The following BMP6 variants were observed in gnomAD, a reference collection of about 807,000 sequenced individuals.
The protein encoded by BMP6 is VG-1-R.
BMP6 carries 17 observed loss-of-function variants against 54.1 expected under a neutral mutation model. That is an observed-to-expected ratio of 0.31 (90% CI 0.22 to 0.47). The LOEUF is 0.47. Among genes scored for constraint, BMP6 ranks in the 20% least tolerant of loss-of-function variants. The pLI, the probability that BMP6 is intolerant of heterozygous loss-of-function variation, is 1.00. For missense variants in BMP6, 720 were observed against 690.4 expected, an observed-to-expected ratio of 1.04 and a Z score of -0.48; for synonymous variants, 328 against 291.2, an observed-to-expected ratio of 1.13 and a Z score of -1.28.
chr6:7,872,939 A>T (rs1379504100), intron 4 of BMP6, among the ~76,000 whole-genome samples: 2 of 151,626 alleles, frequency 1.3e-5, no homozygotes, highest in Non-Finnish European at 2.9e-5. Context: ...TAGCCTCCCA[A>T]ATAGCCGAGA....
intron 1 of BMP6, among the ~76,000 whole-genome samples, chr6:7,838,683 C>T (rs1758915413): frequency 6.6e-6 from 1 of 152,212 alleles, no homozygotes; most frequent in Non-Finnish European, 1.5e-5. Context: ...TGGCTCACGC[C>T]TGTAATCCCA....
chr6:7,823,861 G>T (rs1417380062), intron 1 of BMP6, among the ~76,000 whole-genome samples: 1 of 152,192 alleles, frequency 6.6e-6, no homozygotes, highest in Non-Finnish European at 1.5e-5. Context: ...TAGGCTTTGT[G>T]CACCACCCTA....
chr6:7,852,900 A>G (rs2113264653), intron 2 of BMP6, among the ~76,000 whole-genome samples: 1 of 152,326 alleles, frequency 6.6e-6, no homozygotes, highest in South Asian at 2.1e-4. Context: ...CCAGGCTTCT[A>G]TGAGATCACT....
At chr6:7,873,251 G>T (rs866902061) in intron 4 of BMP6, among the ~76,000 whole-genome samples, 1 of 152,120 alleles carries the variant, frequency 6.6e-6, no homozygotes, top group Admixed American at 6.5e-5. Flanking sequence ...CTACAAATTT[G>T]GGAGTTCACA....
intron 4 of BMP6, among the ~76,000 whole-genome samples, chr6:7,868,931 G>C (rs1759475420): frequency 6.6e-6 from 1 of 152,056 alleles, no homozygotes; most frequent in South Asian, 2.1e-4. Context: ...TGGTGTCCCT[G>C]ACATTCTCTC....
intron 4 of BMP6, among the ~76,000 whole-genome samples, chr6:7,878,655 T>C (rs1194085026): frequency 7.8e-6 from 1 of 128,422 alleles, no homozygotes; most frequent in East Asian, 2.9e-4. Context: ...TGAAAGCCCC[T>C]GTGCAGTTTC....
intron 1 of BMP6, among the ~76,000 whole-genome samples, chr6:7,822,437 A>G (rs1281156309): frequency 6.6e-6 from 1 of 152,034 alleles, no homozygotes; most frequent in Non-Finnish European, 1.5e-5. Context: ...GGTCCCTGAA[A>G]ATCTTCTTTC....
intron 1 of BMP6, among the ~76,000 whole-genome samples, chr6:7,803,765 C>T (rs867184510): frequency 3.0e-4 from 45 of 151,950 alleles, no homozygotes; most frequent in African/African-American, 1.0e-3. Flanking sequence ...ATTTAACTTG[C>T]GAAATCAGGT....
intron 4 of BMP6, among the ~76,000 whole-genome samples, chr6:7,876,027 G>T (rs1759610469): frequency 6.6e-6 from 1 of 152,160 alleles, no homozygotes; most frequent in Non-Finnish European, 1.5e-5. Context: ...TACTTCAGAT[G>T]CTAGGGGACA....
At chr6:7,843,077 T>C (rs1759002502) in intron 1 of BMP6, among the ~76,000 whole-genome samples, 1 of 152,200 alleles carries the variant, frequency 6.6e-6, no homozygotes, top group African/African-American at 2.4e-5. Flanking sequence ...TAGGGAAAAG[T>C]GATACACCGT....
chr6:7,822,792 A>G (rs1758631766), intron 1 of BMP6, among the ~76,000 whole-genome samples: 2 of 152,202 alleles, frequency 1.3e-5, no homozygotes, highest in South Asian at 4.1e-4. Context: ...AGAAGGCACC[A>G]GCGTCAGCAA....
At chr6:7,806,419 G>A (rs560894367) in intron 1 of BMP6, among the ~76,000 whole-genome samples, 2 of 152,312 alleles carry the variant, frequency 1.3e-5, no homozygotes, top group African/African-American at 4.8e-5. Context: ...ATCCTGGTGA[G>A]AATTTATGTA....
At chr6:7,767,507 C>T (rs1342954620) in intron 1 of BMP6, among the ~76,000 whole-genome samples, 5 of 152,122 alleles carry the variant, frequency 3.3e-5, no homozygotes, top group African/African-American at 1.2e-4. Flanking sequence ...GATTTGGATA[C>T]AGTAGGTTAT....
At chr6:7,796,087 G>T (rs1758186229) in intron 1 of BMP6, among the ~76,000 whole-genome samples, 1 of 152,140 alleles carries the variant, frequency 6.6e-6, no homozygotes, top group African/African-American at 2.4e-5. Flanking sequence ...AGATGAGATT[G>T]CCCAGGGAGA....
intron 4 of BMP6, among the ~76,000 whole-genome samples, chr6:7,864,522 G>GATTAA (rs1759388189): frequency 6.6e-6 from 1 of 152,168 alleles, no homozygotes; most frequent in Non-Finnish European, 1.5e-5. Context: ...ATTCTTCCAG[G>GATTAA]TAATTGTACA....
intron 1 of BMP6, among the ~76,000 whole-genome samples, chr6:7,756,132 C>A (rs1339071426): frequency 3.9e-5 from 6 of 152,066 alleles, no homozygotes; most frequent in Non-Finnish European, 8.8e-5. Flanking sequence ...TCTTTCGTCA[C>A]CTCCTTCTGG....
chr6:7,776,839 C>T (rs1276842773), intron 1 of BMP6, among the ~76,000 whole-genome samples: 2 of 152,172 alleles, frequency 1.3e-5, no homozygotes, highest in Non-Finnish European at 2.9e-5. Flanking sequence ...AGCTGCTTAG[C>T]TCTGTACCCC....
chr6:7,818,422 C>G (rs1758561443), intron 1 of BMP6, among the ~76,000 whole-genome samples: 1 of 152,210 alleles, frequency 6.6e-6, no homozygotes, highest in East Asian at 1.9e-4. Flanking sequence ...TATTTCAGCA[C>G]TTGTAATTCT....
At chr6:7,729,141 G>C (rs1334725912) in intron 1 of BMP6, among the ~76,000 whole-genome samples, 1 of 152,186 alleles carries the variant, frequency 6.6e-6, no homozygotes, top group African/African-American at 2.4e-5. Flanking sequence ...CCAAATCCAA[G>C]GTTGAGCCAC....
Sources: gnomAD v4.1 joint callset for allele counts (sites outside exome capture counted in the v4.1 genomes callset) on GRCh38, gnomAD v4.1.1 for gene constraint, MANE v1.5 for transcripts, NCBI Gene and HGNC (gene_info 2026-07-23, HGNC 2026-07-21) for gene names.